Variants in NPAS3 observed in about 807,000 individuals in gnomAD.
NPAS3 encodes neuronal PAS domain protein 3.
A neutral mutation model predicts 73.1 loss-of-function variants in NPAS3; 14 were observed. That is an observed-to-expected ratio of 0.19 (90% CI 0.13 to 0.30). The LOEUF is 0.30. NPAS3 is among the 10% of genes least tolerant of loss of function. The pLI, the probability that NPAS3 is intolerant of heterozygous loss-of-function variation, is 1.00. For missense variants in NPAS3, 1,096 were observed against 1,250.0 expected (o/e 0.88, Z 1.86); for synonymous variants, 620 against 541.5 (o/e 1.14, Z -2.01).
intron 2 of NPAS3, among the ~76,000 whole-genome samples, chr14:33,164,256 G>T (rs2045034975): frequency 6.6e-6 from 1 of 152,098 alleles, no homozygotes; most frequent in South Asian, 2.1e-4. Flanking sequence ...ATCAGTCAAT[G>T]TTAAACTACA....
intron 9 of NPAS3, among the ~76,000 whole-genome samples, chr14:33,790,334 G>A (rs1378736471): frequency 6.6e-6 from 1 of 152,076 alleles, no homozygotes; most frequent in African/African-American, 2.4e-5. Flanking sequence ...CCTAAAACTT[G>A]AAAATAAAAA....
At chr14:33,353,521 T>C (rs1371164301) in intron 3 of NPAS3, among the ~76,000 whole-genome samples, 1 of 152,214 alleles carries the variant, frequency 6.6e-6, no homozygotes, top group Non-Finnish European at 1.5e-5. Flanking sequence ...GAGAAAACAT[T>C]TTTATTGATG....
At position 32,994,630 on chromosome 14, in the gene NPAS3, G is replaced by GTTTTTTTTTTTTTTTTTTTTTTT. The variant is rs777136450; in HGVS notation, c.50+55269_50+55270insTTTTTTTTTTTTTTTTTTTTTTT. Among the ~76,000 whole-genome samples, 30 of 123,610 alleles carry GTTTTTTTTTTTTTTTTTTTTTTT rather than the reference G, an allele frequency of 2.4e-4. 1 individual carries two copies. The highest frequency in any genetic ancestry group is 5.0e-4 in the African/African-American group (14 of 27,928). 81.1% of individuals were successfully genotyped at this position (123,610 alleles called of 152,430 possible). ...ATTCTAGTTTTTTGTTTGTTTGTTT[G>GTTTTTTTTTTTTTTTTTTTTTTT]TTTTTGTTTTTTTTTTTTTGAGACA... On this transcript the variant is annotated intron_variant, in intron 1 of 11. Coordinates refer to ENST00000356141, the Ensembl canonical transcript of NPAS3.
chr14:33,370,506 A>G (rs2046040690), intron 4 of NPAS3, among the ~76,000 whole-genome samples: 1 of 152,146 alleles, frequency 6.6e-6, no homozygotes. Context: ...TATAGGAGCC[A>G]TATTACCAGG....
At chr14:33,602,042 A>G (rs1401178284) in intron 5 of NPAS3, among the ~76,000 whole-genome samples, 1 of 152,212 alleles carries the variant, frequency 6.6e-6, no homozygotes, top group East Asian at 1.9e-4. Flanking sequence ...GGTTCCTGAC[A>G]GAGCCTGGAG....
chr14:33,375,309 CT>C (rs2046266228), intron 4 of NPAS3, among the ~76,000 whole-genome samples: 1 of 152,134 alleles, frequency 6.6e-6, no homozygotes, highest in South Asian at 2.1e-4. Flanking sequence ...ATTGATACTG[CT>C]TGCCTCTACA....
intron 2 of NPAS3, among the ~76,000 whole-genome samples, chr14:33,172,326 A>T (rs1055374851): frequency 6.6e-6 from 1 of 152,228 alleles, no homozygotes; most frequent in African/African-American, 2.4e-5. Flanking sequence ...GTATGCCTGT[A>T]CTTGAGAGTA....
At chr14:33,196,516 G>A (rs1184899612) in intron 2 of NPAS3, among the ~76,000 whole-genome samples, 2 of 152,206 alleles carry the variant, frequency 1.3e-5, no homozygotes, top group Admixed American at 6.5e-5. Context: ...GTGAGGATCT[G>A]TTAGATTGAT....
intron 6 of NPAS3, among the ~76,000 whole-genome samples, chr14:33,718,379 A>G (rs2061014668): frequency 6.6e-6 from 1 of 151,196 alleles, no homozygotes; most frequent in Non-Finnish European, 1.5e-5. Context: ...TTGCATTTAC[A>G]TTTTCTCATG....
At chr14:33,516,286 G>T (rs372319068) in intron 4 of NPAS3, among the ~76,000 whole-genome samples, 2 of 152,090 alleles carry the variant, frequency 1.3e-5, no homozygotes, top group East Asian at 3.9e-4. Flanking sequence ...AATCTTTCAG[G>T]TAAATACTTC....
At chr14:33,615,197 TGAG>T (rs2140068120) in intron 5 of NPAS3, among the ~76,000 whole-genome samples, 1 of 152,220 alleles carries the variant, frequency 6.6e-6, no homozygotes, top group African/African-American at 2.4e-5. Flanking sequence ...GGAACTGACT[TGAG>T]AGAACTGTCA....
chr14:33,031,806 C>T (rs557162759), intron 1 of NPAS3, among the ~76,000 whole-genome samples: 12 of 152,308 alleles, frequency 7.9e-5, no homozygotes, highest in African/African-American at 2.6e-4. Context: ...TTGGCCCTTG[C>T]CATGTGTTTT....
At chr14:32,966,395 A>G (rs902955043) in intron 1 of NPAS3, among the ~76,000 whole-genome samples, 7 of 152,232 alleles carry the variant, frequency 4.6e-5, no homozygotes, top group Admixed American at 1.3e-4. Context: ...AAATGAATCC[A>G]TGCTTTTATA....
At chr14:32,966,321 C>T (rs1003493230) in intron 1 of NPAS3, among the ~76,000 whole-genome samples, 2 of 152,060 alleles carry the variant, frequency 1.3e-5, no homozygotes, top group Non-Finnish European at 2.9e-5. Flanking sequence ...GAGTAGTAAC[C>T]AAACACTGTG....
At chr14:32,945,563 C>T (rs1391095457) in intron 1 of NPAS3, among the ~76,000 whole-genome samples, 1 of 152,154 alleles carries the variant, frequency 6.6e-6, no homozygotes, top group Non-Finnish European at 1.5e-5. Flanking sequence ...CTCAGGTGAA[C>T]TTAGGCAGTA....
intron 2 of NPAS3, among the ~76,000 whole-genome samples, chr14:33,212,128 T>G (rs939505303): frequency 6.6e-6 from 1 of 152,224 alleles, no homozygotes; most frequent in African/African-American, 2.4e-5. Flanking sequence ...CTACTTTACA[T>G]AAGCGAGTGA....
At chr14:33,743,673 C>G (rs2140706266) in intron 7 of NPAS3, among the ~76,000 whole-genome samples, 2 of 152,346 alleles carry the variant, frequency 1.3e-5, no homozygotes, top group South Asian at 4.1e-4. Context: ...TTCTCTCTAG[C>G]TATGAAAATC....
chr14:33,651,471 T>G (rs950354654), intron 5 of NPAS3, among the ~76,000 whole-genome samples: 8 of 152,118 alleles, frequency 5.3e-5, no homozygotes, highest in African/African-American at 1.9e-4. Context: ...CTCTTTTAGG[T>G]TAGGGAAATT....
chr14:33,669,717 C>CAATT (rs2059557149), intron 5 of NPAS3, among the ~76,000 whole-genome samples: 1 of 152,150 alleles, frequency 6.6e-6, no homozygotes, highest in African/African-American at 2.4e-5. Context: ...CAATGAGTCT[C>CAATT]AATTAGTAGC....
Sources: gnomAD v4.1 joint callset for allele counts (sites outside exome capture counted in the v4.1 genomes callset) on GRCh38, gnomAD v4.1.1 for gene constraint, MANE v1.5 for transcripts, NCBI Gene and HGNC (gene_info 2026-07-23, HGNC 2026-07-21) for gene names.